Variants in SLC25A15 observed in about 807,000 individuals in gnomAD.
The protein encoded by SLC25A15 is solute carrier family 25 member 15.
In SLC25A15, 24 loss-of-function variants were observed where a neutral mutation model predicts 32.3. The observed-to-expected ratio is 0.74, with a 90% CI of 0.54 to 1.04. The LOEUF is 1.04. SLC25A15 is among the 50% of genes least tolerant of loss of function. SLC25A15 has a pLI of 0.00. For missense variants in SLC25A15, 317 were observed against 374.5 expected (o/e 0.85, Z 1.27); for synonymous variants, 132 against 142.1 (o/e 0.93, Z 0.51).
At chr13:40,790,150 G>A (rs2138036338) in intron 1 of SLC25A15, among the ~76,000 whole-genome samples, 1 of 152,310 alleles carries the variant, frequency 6.6e-6, no homozygotes, top group East Asian at 1.9e-4. Flanking sequence ...CCTAAAGCCC[G>A]GGCTCTGGGG....
At chr13:40,807,495 G>A (rs1295717413) in intron 5 of SLC25A15, 32 bp downstream of exon 5, 2 of 1,610,456 alleles carry the variant, frequency 1.2e-6, no homozygotes, top group African/African-American at 1.3e-5. Flanking sequence ...GCAGTGGGGT[G>A]TGATGGTGTT....
intron 1 of SLC25A15, among the ~76,000 whole-genome samples, chr13:40,790,260 C>T (rs1336676585): frequency 2.6e-5 from 4 of 152,198 alleles, no homozygotes; most frequent in African/African-American, 4.8e-5. Context: ...CATCTACTGA[C>T]TCTCCCTTCC....
At chr13:40,795,005 GGCAGAACCCACAAGGA>G (rs1329618249) in intron 2 of SLC25A15, among the ~76,000 whole-genome samples, 1 of 152,166 alleles carries the variant, frequency 6.6e-6, no homozygotes, top group African/African-American at 2.4e-5. Context: ...CTTCTCCCAG[GGCAGAACCCACAAGGA>G]GCGTCCCAGC....
chr13:40,808,977 G>T (rs1472579281), intron 6 of SLC25A15, among the ~76,000 whole-genome samples: 1 of 146,556 alleles, frequency 6.8e-6, no homozygotes, highest in Admixed American at 6.9e-5. Context: ...ACTCTGTTTT[G>T]ATTGTAAAAA....
chr13:40,798,667 A>C (rs753050575), intron 2 of SLC25A15: 15 of 625,200 alleles, frequency 2.4e-5, no homozygotes, highest in Non-Finnish European at 2.8e-5. Flanking sequence ...ATTTTTATTT[A>C]ATCCTCACGC....
intron 2 of SLC25A15, among the ~76,000 whole-genome samples, chr13:40,795,460 G>T (rs1412422929): frequency 1.3e-5 from 2 of 152,232 alleles, no homozygotes; most frequent in African/African-American, 2.4e-5. Flanking sequence ...AGCCTGGTAT[G>T]TAAGGCATTT....
At chr13:40,795,996 C>T (rs192004780) in intron 2 of SLC25A15, among the ~76,000 whole-genome samples, 24 of 152,300 alleles carry the variant, frequency 1.6e-4, no homozygotes, top group African/African-American at 5.8e-4. Flanking sequence ...ATCTGCAGCA[C>T]ACTGGAGGGG....
intron 3 of SLC25A15, among the ~76,000 whole-genome samples, chr13:40,800,382 G>C (rs1881832530): frequency 6.6e-6 from 1 of 152,182 alleles, no homozygotes; most frequent in Non-Finnish European, 1.5e-5. Context: ...CAGGCAGGAA[G>C]GCAGTAAAGA....
In SLC25A15 at chr13:40,809,613, T is replaced by C; in HGVS notation, c.852T>C (p.Phe284=). The change falls in exon 7 of 7, where the codon TTT becomes TTC. Residue 284 remains phenylalanine (F), a synonymous_variant. Transcript: ENST00000338625. ...IRAFPANGAL[F]LAYEYSRKLM... Reference sequence around the variant, plus strand: ...CATTCCCTGCCAATGGAGCACTCTTTTTGGCCTACGAATATAGCAGGAAGT... The same window carrying C: ...CATTCCCTGCCAATGGAGCACTCTTCTTGGCCTACGAATATAGCAGGAAGT... 1.2e-6 allele frequency: 2 copies of C among 1,612,598 alleles called. No homozygotes were observed. Among genetic ancestry groups the C allele is most frequent in the South Asian group, 2.2e-5 (2 of 91,004 alleles).
In SLC25A15 at chr13:40,810,878, A is replaced by T. The variant is rs763418495; in HGVS notation, c.*1211A>T. 1.9e-6 allele frequency: 1 copy of T among 534,460 alleles called. No homozygotes were observed. The highest frequency in any genetic ancestry group is 3.8e-6 in the Non-Finnish European group (1 of 260,072). 33.1% of individuals were successfully genotyped at this position (534,460 alleles called of 1,614,324 possible). A position where few individuals can be genotyped will look rare whatever the true frequency, so the allele number is the denominator to read the frequency against. On this transcript the variant is annotated 3_prime_UTR_variant, in exon 7 of 7. Transcript: ENST00000338625. ...TCTGGGTCCTGGCCTGGGGCCATCA[A>T]TCCACTTTGGGCCACTCACTGTCTG...
intron 6 of SLC25A15, 100 bp from the exon 7 acceptor site, chr13:40,809,443 G>C: frequency 6.9e-7 from 1 of 1,456,742 alleles, no homozygotes; most frequent in Non-Finnish European, 9.6e-7. Context: ...TAGCACTGTT[G>C]TCTGGGTTTG....
chr13:40,807,266 C>G, intron 4 of SLC25A15, 28 bp from the exon 5 acceptor site: 2 of 1,611,410 alleles, frequency 1.2e-6, no homozygotes, highest in Non-Finnish European at 1.7e-6. Flanking sequence ...CTGCTGTAAC[C>G]GTGCTATCTC....
intron 2 of SLC25A15, among the ~76,000 whole-genome samples, chr13:40,798,497 C>T (rs141675689): frequency 6.6e-6 from 1 of 152,220 alleles, no homozygotes; most frequent in East Asian, 1.9e-4. Flanking sequence ...GTTTCCTTTC[C>T]GTGGTGCCGG....
chr13:40,809,727 T>A lies in SLC25A15; in HGVS notation c.*60T>A. Reference sequence around the variant, plus strand: ...TTGAGGACTACAGTTCATCTCAGGGTTTCTTGGAGTACAAGACCAGTGTGA... The same window carrying A: ...TTGAGGACTACAGTTCATCTCAGGGATTCTTGGAGTACAAGACCAGTGTGA... On this transcript the variant is annotated 3_prime_UTR_variant, in exon 7 of 7. Coordinates refer to ENST00000338625, the MANE Select transcript of SLC25A15 (RefSeq NM_014252.4). 1 of 1,582,478 alleles carries A rather than the reference T, an allele frequency of 6.3e-7. No individual in the cohort carries two copies. The highest frequency in any genetic ancestry group is 1.7e-5 in the Admixed American group (1 of 59,974).
intron 3 of SLC25A15, among the ~76,000 whole-genome samples, chr13:40,804,082 A>G (rs1403886071): frequency 1.3e-5 from 2 of 152,136 alleles, no homozygotes; most frequent in Admixed American, 1.3e-4. Context: ...TCACAGTTCT[A>G]TGGTCTGAAA....
intron 1 of SLC25A15, among the ~76,000 whole-genome samples, 172 bp from the exon 2 acceptor site, chr13:40,792,986 C>T (rs1008847896): frequency 6.6e-6 from 1 of 152,170 alleles, no homozygotes; most frequent in Non-Finnish European, 1.5e-5. Context: ...GATCTGTGAG[C>T]TTTCTAGGAG....
intron 2 of SLC25A15, 115 bp downstream of exon 2, chr13:40,793,396 C>A: frequency 1.1e-6 from 1 of 886,018 alleles, no homozygotes; most frequent in Non-Finnish European, 1.8e-6. Flanking sequence ...TGTTTAGATA[C>A]ATTTAGATAC....
At chr13:40,793,425 T>C (rs1881577327) in intron 2 of SLC25A15, 144 bp downstream of exon 2, 1 of 781,556 alleles carries the variant, frequency 1.3e-6, no homozygotes, top group East Asian at 2.7e-5. Flanking sequence ...CACTGTGTTA[T>C]AGTTGCCTGC....
At chr13:40,799,421 C>T (rs890149418) in intron 3 of SLC25A15, 106 bp downstream of exon 3, 10 of 1,439,362 alleles carry the variant, frequency 6.9e-6, no homozygotes, top group Admixed American at 1.9e-5. Flanking sequence ...GAGGCAAAGG[C>T]AGGAAAATGG....
Sources: allele counts gnomAD v4.1 joint callset (sites outside exome capture counted in the v4.1 genomes callset), GRCh38; gene constraint gnomAD v4.1.1; transcripts MANE v1.5; gene names NCBI Gene and HGNC (gene_info 2026-07-23, HGNC 2026-07-21).